The following CLIP1 variants were observed in gnomAD, a reference collection of about 807,000 sequenced individuals.
CLIP1 encodes the protein CAP-Gly domain containing linker protein 1, also known as CAP-Gly domain-containing linker protein 1.
Under a neutral mutation model 161.6 loss-of-function variants are expected in CLIP1, and 66 were observed. That is an observed-to-expected ratio of 0.41 (90% CI 0.33 to 0.50). CLIP1 has a LOEUF of 0.50. Ranked by LOEUF, CLIP1 falls within the 20% of genes least tolerant of loss-of-function variation. CLIP1 has a pLI of 0.27. For missense variants in CLIP1, 1,376 were observed against 1,702.0 expected (o/e 0.81, Z 3.37); for synonymous variants, 598 against 626.2 (o/e 0.96, Z 0.67).
intron 20 of CLIP1, among the ~76,000 whole-genome samples, chr12:122,299,654 T>C (rs1216466634): frequency 7.9e-6 from 1 of 127,216 alleles, no homozygotes; most frequent in East Asian, 2.8e-4. Context: ...CGGTGGCTCA[T>C]GCCTGCAATC....
intron 1 of CLIP1, among the ~76,000 whole-genome samples, chr12:122,420,964 TAGACAGAC>T (rs1175965741): frequency 6.6e-6 from 1 of 150,596 alleles, no homozygotes; most frequent in Non-Finnish European, 1.5e-5. Context: ...GATGGATGGA[TAGACAGAC>T]AGACAGACTA....
intron 3 of CLIP1, among the ~76,000 whole-genome samples, chr12:122,373,491 A>G (rs1445876991): frequency 1.3e-5 from 2 of 151,932 alleles, no homozygotes; most frequent in Admixed American, 6.6e-5. Context: ...TTAACTTAAT[A>G]AACAAGGTGA....
At chr12:122,388,449 G>A (rs998245358) in intron 1 of CLIP1, among the ~76,000 whole-genome samples, 3 of 152,160 alleles carry the variant, frequency 2.0e-5, no homozygotes, top group Admixed American at 2.0e-4. Context: ...TCCATCTCCT[G>A]ACCTCATGAT....
intron 2 of CLIP1, among the ~76,000 whole-genome samples, chr12:122,379,081 T>C (rs973920796): frequency 1.4e-4 from 20 of 146,578 alleles, no homozygotes; most frequent in African/African-American, 4.6e-4. Flanking sequence ...GCCGAAATCA[T>C]GTCACTGCAC....
intron 5 of CLIP1, among the ~76,000 whole-genome samples, chr12:122,357,072 G>A (rs1953435422): frequency 6.6e-6 from 1 of 152,204 alleles, no homozygotes; most frequent in Admixed American, 6.5e-5. Flanking sequence ...CGTCTGGGAA[G>A]TGAGGAGCCC....
intron 1 of CLIP1, among the ~76,000 whole-genome samples, chr12:122,417,492 G>A (rs1322595413): frequency 2.1e-5 from 3 of 145,710 alleles, no homozygotes; most frequent in Non-Finnish European, 3.0e-5. Flanking sequence ...TTTTTAAAAA[G>A]GCATAAAATT....
At position 122,355,626 on chromosome 12, in the gene CLIP1, G is replaced by A. The variant is rs145448326; in HGVS notation, c.1006-314C>T. 36 of 277,148 alleles carry A rather than the reference G, an allele frequency of 1.3e-4. No individual in the cohort carries two copies. Among genetic ancestry groups the A allele is most frequent in the Middle Eastern group, 1.1e-3 (1 of 878 alleles). The allele number at this position is 277,148 out of a possible 1,614,324, so 17.2% of individuals were successfully genotyped here. On this transcript the variant is annotated intron_variant, in intron 5 of 25. Coordinates refer to ENST00000620786, the MANE Select transcript of CLIP1 (RefSeq NM_001247997.2). This position sits in a 1 kb window ranked among gnomAD's most constrained non-coding sequence, Gnocchi z 4.1. Reference sequence around the variant, plus strand: ...GAGTTTGAGACCTGGCCAAGATGATGAGACCCCATCTCTACTAAAAATACA... The same window carrying A: ...GAGTTTGAGACCTGGCCAAGATGATAAGACCCCATCTCTACTAAAAATACA...
In CLIP1 at chr12:122,354,436, A is replaced by C. The variant is rs769209570; in HGVS notation, c.1307+17T>G. On this transcript the variant is annotated intron_variant, in intron 7 of 25. Coordinates refer to ENST00000620786, the MANE Select transcript of CLIP1 (RefSeq NM_001247997.2). ...GGGGAAAGGCCACACTTGCACCAGG[A>C]AACAGTCTGGGGTCACCTTTTCTCC... 11 of 1,603,296 alleles carry C rather than the reference A, an allele frequency of 6.9e-6. No homozygotes were observed. Among genetic ancestry groups the C allele is most frequent in the Admixed American group, 5.0e-5 (3 of 59,898 alleles).
Position 122,374,315 on chromosome 12 carries a change from C to CAAAA in CLIP1, c.657+3070_657+3073dup, listed in dbSNP as rs537296671. On this transcript the variant is annotated intron_variant, in intron 3 of 25. Coordinates refer to ENST00000620786, the MANE Select transcript of CLIP1 (RefSeq NM_001247997.2). ...TGAAACCCCGTCTCTACTAAAAATACAAAAAAAAAAAAAAAAAAATAGCGG... is the reference window on the plus strand; with the variant it reads ...TGAAACCCCGTCTCTACTAAAAATACAAAAAAAAAAAAAAAAAAAAAAATAGCGG... Among the ~76,000 whole-genome samples, 29 of 45,936 alleles carry CAAAA rather than the reference C, an allele frequency of 6.3e-4. 1 individual carries two copies. Among genetic ancestry groups the CAAAA allele is most frequent in the African/African-American group, 2.1e-3 (26 of 12,374 alleles). 30.1% of individuals were successfully genotyped at this position (45,936 alleles called of 152,430 possible). A position where few individuals can be genotyped will look rare whatever the true frequency, so the allele number is the denominator to read the frequency against.
At chr12:122,360,682 C>A (rs1265584683) in intron 5 of CLIP1, 1 of 316,736 alleles carries the variant, frequency 3.2e-6, no homozygotes, top group African/African-American at 2.1e-5. Flanking sequence ...CTGTGTTAGA[C>A]TAGGCAGTAG....
chr12:122,340,921 AT>A lies in CLIP1; in HGVS notation c.2282del (p.Asn761IlefsTer30). The A allele has an allele frequency of 1.2e-6, 2 of 1,614,172 alleles. No individual in the cohort carries two copies. Among genetic ancestry groups the A allele is most frequent in the Non-Finnish European group, 1.7e-6 (2 of 1,180,032 alleles). On this transcript the variant is annotated frameshift_variant, in exon 11 of 26. Transcript: ENST00000620786. LOFTEE classifies it high-confidence loss of function. ...KCNEQTKVID[N>X]FTSQLKATEE... ...CAGTAGCCTTGAGCTGTGATGTAAA[AT>A]TATCAATAACCTTGGTTTGTTCATT...
chr12:122,314,947 A>G (rs1512023), intron 19 of CLIP1, among the ~76,000 whole-genome samples: 33,370 of 152,098 alleles, frequency 0.22, 4,775 homozygotes, highest in East Asian at 0.62. Flanking sequence ...AAATTTATAA[A>G]TCTGCATAAA....
chr12:122,322,804 C>G (rs1273702666), intron 17 of CLIP1: 1 of 152,650 alleles, frequency 6.6e-6, no homozygotes, highest in Non-Finnish European at 1.5e-5. Context: ...CTTGCAGGTT[C>G]AAGCCATCTC....
chr12:122,405,036 G>C (rs1593258645), intron 1 of CLIP1, among the ~76,000 whole-genome samples: 1 of 152,216 alleles, frequency 6.6e-6, no homozygotes, highest in East Asian at 1.9e-4. Flanking sequence ...TCTAGAGTCA[G>C]GTGTCAGAAT....
chr12:122,397,242 T>C (rs1955947217), intron 1 of CLIP1, among the ~76,000 whole-genome samples: 1 of 151,902 alleles, frequency 6.6e-6, no homozygotes, highest in Non-Finnish European at 1.5e-5. Context: ...TCTTTGCCCT[T>C]CTGATGGCTT....
chr12:122,365,020 G>C (rs1160267541), intron 3 of CLIP1: 2 of 399,148 alleles, frequency 5.0e-6, no homozygotes, highest in Non-Finnish European at 4.7e-6. Context: ...TCACTCATAG[G>C]TGGGAATTGA....
intron 20 of CLIP1, 56 bp from the exon 21 acceptor site, chr12:122,288,597 T>C: frequency 1.3e-6 from 2 of 1,484,208 alleles, no homozygotes; most frequent in Admixed American, 3.4e-5. Flanking sequence ...AAAGGCATAT[T>C]TCTCATCCCA....
At chr12:122,288,582 C>T in intron 20 of CLIP1, 41 bp from the exon 21 acceptor site, 2 of 1,551,100 alleles carry the variant, frequency 1.3e-6, no homozygotes, top group Non-Finnish European at 1.8e-6. Context: ...ATAACCAGGC[C>T]ACAGAAAGGC....
intron 3 of CLIP1, among the ~76,000 whole-genome samples, chr12:122,375,362 G>T (rs988824161): frequency 1.3e-5 from 2 of 151,232 alleles, no homozygotes; most frequent in African/African-American, 2.4e-5. Context: ...TGTTGCCCAG[G>T]CTAGAGTGCA....
Sources: gnomAD v4.1 joint callset for allele counts (sites outside exome capture counted in the v4.1 genomes callset) on GRCh38, gnomAD v4.1.1 for gene constraint, Gnocchi (gnomAD v3.1) non-coding constraint, MANE v1.5 for transcripts, NCBI Gene and HGNC (gene_info 2026-07-23, HGNC 2026-07-21) for gene names.